The following PCNX1 variants were observed in gnomAD, a reference collection of about 807,000 sequenced individuals.
PCNX1 encodes pecanex 1.
Under a neutral mutation model 242.2 loss-of-function variants are expected in PCNX1, and 78 were observed. That is an observed-to-expected ratio of 0.32 (90% CI 0.27 to 0.39). The LOEUF (loss-of-function observed/expected upper bound fraction) is 0.39. Among genes scored for constraint, PCNX1 ranks in the 10% least tolerant of loss-of-function variants. The pLI, the probability that PCNX1 is intolerant of heterozygous loss-of-function variation, is 1.00. For missense variants in PCNX1, 2,581 were observed against 2,856.5 expected, an observed-to-expected ratio of 0.90 and a Z score of 2.20; for synonymous variants, 1,024 against 1,032.9, an observed-to-expected ratio of 0.99 and a Z score of 0.17.
chr14:71,063,495 A>G (rs2061373418), intron 26 of PCNX1, among the ~76,000 whole-genome samples: 2 of 152,182 alleles, frequency 1.3e-5, no homozygotes, highest in Admixed American at 1.3e-4. Flanking sequence ...GTAAGTGTGT[A>G]GCCTTTTCTT....
At chr14:71,068,736 C>A (rs2061519235) in intron 26 of PCNX1, among the ~76,000 whole-genome samples, 2 of 136,350 alleles carry the variant, frequency 1.5e-5, no homozygotes, top group Admixed American at 1.6e-4. Flanking sequence ...ATACAAATAA[C>A]ATTTATATAT....
Position 71,057,626 on chromosome 14 carries a change from G to T in PCNX1, c.4754G>T (p.Cys1585Phe). 2 of 1,613,866 alleles carry T rather than the reference G, an allele frequency of 1.2e-6. No individual in the cohort carries two copies. The highest frequency in any genetic ancestry group is 1.7e-6 in the Non-Finnish European group (2 of 1,179,762). ...GRWGNYSTGDCFILASDYLNA... is the reference protein window; with the variant it reads ...GRWGNYSTGDFFILASDYLNA... ...TGGGGAAACTACAGTACAGGGGACT[G>T]TTTCATCCTTGCCTCTGACTATCTC... Residue 1585 changes from cysteine to phenylalanine, a missense_variant, in exon 26 of 36, where the codon TGT (cysteine) becomes TTT (phenylalanine). Transcript: ENST00000304743.
chr14:70,946,494 A>T (rs1429078284), intron 1 of PCNX1, among the ~76,000 whole-genome samples: 1 of 152,216 alleles, frequency 6.6e-6, no homozygotes, highest in East Asian at 1.9e-4. Flanking sequence ...TGGGAATGTA[A>T]TGCAGGCAAG....
chr14:71,036,276 T>A, intron 19 of PCNX1, 119 bp downstream of exon 19: 2 of 667,302 alleles, frequency 3.0e-6, no homozygotes, highest in Non-Finnish European at 5.4e-6. Context: ...ATCCCTGGGC[T>A]CAAGTGATCC....
chr14:70,995,504 C>CA, intron 7 of PCNX1, among the ~76,000 whole-genome samples: 1 of 152,246 alleles, frequency 6.6e-6, no homozygotes, highest in Non-Finnish European at 1.5e-5. Context: ...GCAGATTGAC[C>CA]AATTTACATG....
chr14:71,061,810 T>C (rs1322614535), intron 26 of PCNX1, among the ~76,000 whole-genome samples: 1 of 152,004 alleles, frequency 6.6e-6, no homozygotes, highest in African/African-American at 2.4e-5. Flanking sequence ...AAGGATGACA[T>C]TGATGAGCAC....
intron 8 of PCNX1, among the ~76,000 whole-genome samples, chr14:70,996,311 GCTTT>G (rs2059349594): frequency 2.0e-5 from 3 of 152,074 alleles, no homozygotes; most frequent in Admixed American, 1.3e-4. Flanking sequence ...AGGGAAAAGT[GCTTT>G]CTAATTGTCT....
At chr14:70,971,434 G>A (rs1231302028) in intron 5 of PCNX1, among the ~76,000 whole-genome samples, 1 of 13,382 alleles carries the variant, frequency 7.5e-5, no homozygotes, top group Non-Finnish European at 1.9e-4. Context: ...GTGAGCCACC[G>A]CGCCCGGCCT....
In PCNX1 at chr14:70,907,515, G is replaced by C. The variant is rs565675471; in HGVS notation, c.-336G>C. ...CGGCGGGGGTCGCGGCGGCGGCAGT[G>C]GGGGCGCTGGCGGGCCGCGGGTGGC... On this transcript the variant is annotated 5_prime_UTR_variant, in exon 1 of 36. Transcript: ENST00000304743. 86 of 153,562 alleles carry C rather than the reference G, an allele frequency of 5.6e-4. 1 individual carries two copies. The South Asian group carries it at 0.014, about 25-fold the overall frequency. 9.5% of individuals were successfully genotyped at this position (153,562 alleles called of 1,614,324 possible).
chr14:71,012,956 T>C, intron 10 of PCNX1, 29 bp from the exon 11 acceptor site: 9 of 1,357,284 alleles, frequency 6.6e-6, no homozygotes, highest in Non-Finnish European at 9.5e-6. Context: ...GAAGATATTT[T>C]AAGCCTTTCA....
chr14:71,047,624 T>G (rs1160513072), intron 21 of PCNX1, among the ~76,000 whole-genome samples, 183 bp from the exon 22 acceptor site: 1 of 152,152 alleles, frequency 6.6e-6, no homozygotes, highest in African/African-American at 2.4e-5. Context: ...TGAATAGTAT[T>G]AAAAGGGAAT....
chr14:70,928,735 A>G (rs2056679408), intron 1 of PCNX1, among the ~76,000 whole-genome samples: 2 of 152,148 alleles, frequency 1.3e-5, no homozygotes, highest in Non-Finnish European at 2.9e-5. Context: ...TTTTGGGGTA[A>G]AGAATGGCAT....
At position 70,989,588 on chromosome 14, in the gene PCNX1, C is replaced by T. The variant is rs369844263; in HGVS notation, c.2444+889C>T. 3.7e-5 allele frequency among the ~76,000 whole-genome samples: 5 copies of T among 136,984 alleles called. No individual in the cohort carries two copies. The East Asian group carries it at 6.4e-4, about 17-fold the overall frequency. The allele number at this position is 136,984 out of a possible 152,430, so 89.9% of individuals were successfully genotyped here. ...TCTGTTGCCCAGGCAGGAGTGCAGT[C>T]GCGTGATCTTGGCTCACTGCAACCT... On this transcript the variant is annotated intron_variant, in intron 7 of 35. Coordinates refer to ENST00000304743, the MANE Select transcript of PCNX1 (RefSeq NM_014982.3).
chr14:70,916,138 A>T (rs530673841), intron 1 of PCNX1, among the ~76,000 whole-genome samples: 5 of 152,298 alleles, frequency 3.3e-5, no homozygotes, highest in South Asian at 2.1e-4. Context: ...TGCTATTCTT[A>T]CTTTTGGTAA....
At chr14:71,015,786 A>G (rs1222799021) in intron 11 of PCNX1, among the ~76,000 whole-genome samples, 4 of 152,222 alleles carry the variant, frequency 2.6e-5, no homozygotes, top group Non-Finnish European at 4.4e-5. Flanking sequence ...AATAGATGAG[A>G]CAAATAGGAA....
chr14:70,912,534 T>A (rs1031606362), intron 1 of PCNX1, among the ~76,000 whole-genome samples: 1 of 151,908 alleles, frequency 6.6e-6, no homozygotes, highest in Non-Finnish European at 1.5e-5. Context: ...AGCTTCTGAA[T>A]TCCCCCCTAA....
chr14:71,055,662 C>G (rs963478856), intron 25 of PCNX1, 100 bp downstream of exon 25: 1 of 630,954 alleles, frequency 1.6e-6, no homozygotes, highest in Non-Finnish European at 2.7e-6. Context: ...CTCTATGAAT[C>G]CCAAATATTC....
chr14:70,969,276 A>G (rs926394570), intron 5 of PCNX1, 166 bp downstream of exon 5: 7 of 553,172 alleles, frequency 1.3e-5, no homozygotes, highest in Admixed American at 3.1e-5. Flanking sequence ...AGAGTTACAC[A>G]TGCTTTTAGC....
chr14:71,067,461 T>C (rs999079442), intron 26 of PCNX1, among the ~76,000 whole-genome samples: 8 of 152,232 alleles, frequency 5.3e-5, no homozygotes, highest in South Asian at 4.1e-4. Context: ...GGTGGTGATA[T>C]CTCCTTTATC....
Sources: allele counts gnomAD v4.1 joint callset (sites outside exome capture counted in the v4.1 genomes callset), GRCh38; gene constraint gnomAD v4.1.1; transcripts MANE v1.5; gene names NCBI Gene and HGNC (gene_info 2026-07-23, HGNC 2026-07-21).